KCTD8: variants seen among roughly 807,000 people sequenced by gnomAD.
KCTD8 encodes the protein BTB/POZ domain-containing protein KCTD8.
A neutral mutation model predicts 31.5 loss-of-function variants in KCTD8; 27 were observed. That is an observed-to-expected ratio of 0.86 (90% CI 0.63 to 1.18). The LOEUF is 1.18. KCTD8 is among the 50% of genes most tolerant of loss of function. The probability of loss-of-function intolerance (pLI) is 0.00; values close to 1 mark genes in which losing one functional copy is unlikely to be tolerated. For synonymous variants in KCTD8, 290 were observed against 280.0 expected (o/e 1.04, Z -0.36); for missense variants, 658 against 647.7 (o/e 1.02, Z -0.17).
rs1382883042 is a variant in KCTD8, at chr4:44,317,280, C to T, written c.961+130283G>A. Among the ~76,000 whole-genome samples the T allele has an allele frequency of 1.3e-4, 13 of 99,292 alleles. No individual in the cohort carries two copies. The East Asian group carries it at 1.5e-3, about 12-fold the overall frequency. The allele number at this position is 99,292 out of a possible 152,430, so 65.1% of individuals were successfully genotyped here. A position where few individuals can be genotyped will look rare whatever the true frequency, so the allele number is the denominator to read the frequency against. ...CGGAGTCTCGCTCTGTCGCCCAGGC[C>T]GGACTGCGGACTGCAGTGGCGCAAT... On this transcript the variant is annotated intron_variant, in intron 1 of 1. Transcript: ENST00000360029.
At chr4:44,381,458 G>A (rs1323625362) in intron 1 of KCTD8, among the ~76,000 whole-genome samples, 1 of 151,990 alleles carries the variant, frequency 6.6e-6, no homozygotes, top group Non-Finnish European at 1.5e-5. Flanking sequence ...GATTGAAAGT[G>A]AACAGATGAA....
rs77132004 is a variant in KCTD8 at position 44,421,692 on chromosome 4, C to T, written c.961+25871G>A. The stretch of plus-strand genomic sequence containing the variant: ...CTCAAAGGTTAAATTACAACATATG[C>T]ACCATAGGGGTATCATGTCACTACC... On this transcript the variant is annotated intron_variant, in intron 1 of 1. Coordinates refer to ENST00000360029, the MANE Select transcript of KCTD8 (RefSeq NM_198353.3). Among the ~76,000 whole-genome samples, 1,123 of 152,174 alleles carry T rather than the reference C, an allele frequency of 7.4e-3. 16 individuals are homozygous for T. Among genetic ancestry groups the T allele is most frequent in the African/African-American group, 0.025 (1,045 of 41,530 alleles).
At chr4:44,243,468 A>G (rs1383897310) in intron 1 of KCTD8, among the ~76,000 whole-genome samples, 1 of 152,212 alleles carries the variant, frequency 6.6e-6, no homozygotes, top group Non-Finnish European at 1.5e-5. Context: ...GACTATATGC[A>G]TACACTCTTT....
chr4:44,404,802 T>C (rs1460086892), intron 1 of KCTD8, among the ~76,000 whole-genome samples: 1 of 152,176 alleles, frequency 6.6e-6, no homozygotes, highest in Non-Finnish European at 1.5e-5. Flanking sequence ...TTTAAAATCG[T>C]ATAAAAGTAA....
rs555769001 is a variant in KCTD8, at chr4:44,410,294, A to G, written c.961+37269T>C. ...CATCACTATGGATTAATGCCTAGTG[A>G]CAAATATTAACTAACAGTGTAATAC... On this transcript the variant is annotated intron_variant, in intron 1 of 1. Coordinates refer to ENST00000360029, the MANE Select transcript of KCTD8 (RefSeq NM_198353.3). Among the ~76,000 whole-genome samples, 16 of 152,284 alleles carry G rather than the reference A, an allele frequency of 1.1e-4. No homozygotes were observed. In the East Asian group the frequency reaches 2.3e-3, roughly 22 times the overall value.
At chr4:44,337,412 A>C (rs983364568) in intron 1 of KCTD8, among the ~76,000 whole-genome samples, 2 of 152,082 alleles carry the variant, frequency 1.3e-5, no homozygotes, top group African/African-American at 4.8e-5. Flanking sequence ...ACGGTGGTTC[A>C]CGCCTGTAAT....
chr4:44,289,316 A>C (rs1577595538), intron 1 of KCTD8, among the ~76,000 whole-genome samples: 4 of 152,044 alleles, frequency 2.6e-5, no homozygotes, highest in Admixed American at 2.6e-4. Context: ...AAAGAAACAA[A>C]AGTATAAGAA....
At chr4:44,343,844 T>G (rs76380106) in intron 1 of KCTD8, among the ~76,000 whole-genome samples, 2 of 152,022 alleles carry the variant, frequency 1.3e-5, no homozygotes, top group African/African-American at 4.8e-5. Context: ...GGGTTTTTTT[T>G]GTTGTTGTTG....
In KCTD8 at chr4:44,299,772, C is replaced by CTT. The variant is rs576621306; in HGVS notation, c.962-124524_962-124523dup. ...CTTAGGTGATTTTTTTTTTCCTTTT[C>CTT]TTTTTTTTTTTTTGGAGACGGAGTC... On this transcript the variant is annotated intron_variant, in intron 1 of 1. Coordinates refer to ENST00000360029, the MANE Select transcript of KCTD8 (RefSeq NM_198353.3). 1.1e-3 allele frequency among the ~76,000 whole-genome samples: 146 copies of CTT among 134,526 alleles called. 1 individual carries two copies. The highest frequency in any genetic ancestry group is 4.5e-3 in the Middle Eastern group (1 of 222). The allele number at this position is 134,526 out of a possible 152,430, so 88.3% of individuals were successfully genotyped here.
intron 1 of KCTD8, among the ~76,000 whole-genome samples, chr4:44,288,682 T>G (rs563772350): frequency 6.6e-6 from 1 of 152,206 alleles, no homozygotes; most frequent in East Asian, 1.9e-4. Context: ...TGCCTTCAAT[T>G]TTACATCTGT....
At chr4:44,405,239 GTTTT>G (rs1252314538) in intron 1 of KCTD8, among the ~76,000 whole-genome samples, 48 of 115,112 alleles carry the variant, frequency 4.2e-4, no homozygotes, top group Middle Eastern at 4.1e-3. Flanking sequence ...TCAGCCAGGT[GTTTT>G]TGTTTGTTTG....
intron 1 of KCTD8, among the ~76,000 whole-genome samples, chr4:44,219,128 T>A (rs946164720): frequency 1.3e-5 from 2 of 152,246 alleles, no homozygotes; most frequent in Admixed American, 6.5e-5. Flanking sequence ...CATTTCAATA[T>A]GCTTTCTGAT....
At chr4:44,401,197 T>G (rs1220195725) in intron 1 of KCTD8, among the ~76,000 whole-genome samples, 1 of 151,844 alleles carries the variant, frequency 6.6e-6, no homozygotes, top group Non-Finnish European at 1.5e-5. Flanking sequence ...TTGGGTATGA[T>G]TAAGTAAATG....
intron 1 of KCTD8, among the ~76,000 whole-genome samples, chr4:44,349,249 A>G (rs1577629943): frequency 1.3e-5 from 2 of 152,310 alleles, no homozygotes; most frequent in East Asian, 3.9e-4. Flanking sequence ...AAAGATAAAA[A>G]GAAGAAGGAG....
intron 1 of KCTD8, among the ~76,000 whole-genome samples, chr4:44,290,544 T>C (rs1560416728): frequency 2.0e-5 from 3 of 152,134 alleles, no homozygotes. Flanking sequence ...TGTCCAAAGA[T>C]TGAATACATG....
At chr4:44,343,330 G>T (rs543294836) in intron 1 of KCTD8, among the ~76,000 whole-genome samples, 1 of 152,324 alleles carries the variant, frequency 6.6e-6, no homozygotes, top group East Asian at 1.9e-4. Flanking sequence ...AGGTCAGTCA[G>T]TACAGCAGTT....
chr4:44,251,982 A>G (rs982766139), intron 1 of KCTD8, among the ~76,000 whole-genome samples: 1 of 151,692 alleles, frequency 6.6e-6, no homozygotes, highest in Non-Finnish European at 1.5e-5. Context: ...TGTACACTAT[A>G]CCTAATGTGT....
At chr4:44,208,448 C>T (rs1329931649) in intron 1 of KCTD8, among the ~76,000 whole-genome samples, 1 of 152,146 alleles carries the variant, frequency 6.6e-6, no homozygotes, top group Non-Finnish European at 1.5e-5. Context: ...TCACCTCCAT[C>T]TCTTATCACT....
chr4:44,428,216 T>C (rs115393706), intron 1 of KCTD8, among the ~76,000 whole-genome samples: 2,028 of 151,900 alleles, frequency 0.013, 20 homozygotes, highest in Middle Eastern at 0.027. Flanking sequence ...TATACATGTT[T>C]GAATTTAAGA....
Sources: gnomAD v4.1 joint callset for allele counts (sites outside exome capture counted in the v4.1 genomes callset) on GRCh38, gnomAD v4.1.1 for gene constraint, MANE v1.5 for transcripts, NCBI Gene and HGNC (gene_info 2026-07-23, HGNC 2026-07-21) for gene names.